Variants in SLC35F4 observed in about 807,000 individuals in gnomAD.
SLC35F4 encodes the protein chromosome 14 open reading frame 36.
A neutral mutation model predicts 44.2 loss-of-function variants in SLC35F4; 24 were observed. That is an observed-to-expected ratio of 0.54 (90% confidence interval 0.39 to 0.76). The LOEUF (loss-of-function observed/expected upper bound fraction) is 0.76. Among genes scored for constraint, SLC35F4 ranks in the 30% least tolerant of loss-of-function variants. The probability of loss-of-function intolerance (pLI) is 0.00; values close to 1 mark genes in which losing one functional copy is unlikely to be tolerated. For synonymous variants in SLC35F4, 238 were observed against 223.6 expected, an observed-to-expected ratio of 1.06 and a Z score of -0.57; for missense variants, 562 against 586.1, an observed-to-expected ratio of 0.96 and a Z score of 0.42.
chr14:57,821,928 C>T (rs1883215283), intron 1 of SLC35F4, among the ~76,000 whole-genome samples: 1 of 152,164 alleles, frequency 6.6e-6, no homozygotes, highest in African/African-American at 2.4e-5. Flanking sequence ...AAGTGAGGCA[C>T]CTAAGGAGGT....
chr14:57,820,866 G>A (rs937619550), intron 1 of SLC35F4, among the ~76,000 whole-genome samples: 10 of 152,162 alleles, frequency 6.6e-5, no homozygotes, highest in Non-Finnish European at 1.5e-4. Flanking sequence ...AGAGAATAGA[G>A]AAATGGCTGA....
intron 1 of SLC35F4, among the ~76,000 whole-genome samples, chr14:57,695,048 A>G (rs1206618899): frequency 6.6e-6 from 1 of 152,166 alleles, no homozygotes; most frequent in Non-Finnish European, 1.5e-5. Context: ...TAAATGTTAG[A>G]CCTAAAACCA....
intron 1 of SLC35F4, among the ~76,000 whole-genome samples, chr14:57,858,196 T>C (rs969872724): frequency 6.6e-6 from 1 of 151,954 alleles, no homozygotes; most frequent in African/African-American, 2.4e-5. Flanking sequence ...ACCCAAAGGA[T>C]TATAAATCAT....
chr14:57,874,397 G>A (rs1888354953), intron 1 of SLC35F4, among the ~76,000 whole-genome samples: 1 of 152,204 alleles, frequency 6.6e-6, no homozygotes, highest in East Asian at 1.9e-4. Flanking sequence ...CACATTAAAG[G>A]TTGAAGAAAT....
At chr14:57,717,714 C>T (rs62005210) in intron 1 of SLC35F4, among the ~76,000 whole-genome samples, 60,386 of 151,956 alleles carry the variant, frequency 0.4, 12,015 homozygotes, top group Middle Eastern at 0.42. Flanking sequence ...ATTTCTTTTA[C>T]TTTTAATTTT....
intron 1 of SLC35F4, among the ~76,000 whole-genome samples, chr14:57,768,954 T>A (rs1163100659): frequency 6.6e-6 from 1 of 152,148 alleles, no homozygotes; most frequent in Non-Finnish European, 1.5e-5. Flanking sequence ...GGTTTCACCA[T>A]GTTGGCCAGG....
chr14:57,608,476 C>G (rs184809227), intron 1 of SLC35F4, among the ~76,000 whole-genome samples: 2 of 152,268 alleles, frequency 1.3e-5, no homozygotes, highest in Admixed American at 6.5e-5. Context: ...CAAAAAATCA[C>G]TAGAAGCTAT....
upstream of SLC35F4, among the ~76,000 whole-genome samples, chr14:57,869,492 G>C (rs1888251272): frequency 6.6e-6 from 1 of 152,116 alleles, no homozygotes; most frequent in Non-Finnish European, 1.5e-5. Context: ...GCAGGAATAA[G>C]ACACCTAATC....
intron 1 of SLC35F4, among the ~76,000 whole-genome samples, chr14:57,831,183 C>A (rs1465173622): frequency 6.6e-6 from 1 of 152,130 alleles, no homozygotes; most frequent in Admixed American, 6.6e-5. Context: ...TGACTTCTTA[C>A]AGATGCCAAG....
rs935027770 is a variant in SLC35F4, at chr14:57,588,616, C to T, written c.587+600G>A. ...GACTTTAAGCCCAACCACCACTGTTCATGGTTAGCAAGGAAACAGACAAAG... is the reference window on the plus strand; with the variant it reads ...GACTTTAAGCCCAACCACCACTGTTTATGGTTAGCAAGGAAACAGACAAAG... On this transcript the variant is annotated intron_variant, in intron 3 of 7. Transcript: ENST00000556826. Among the ~76,000 whole-genome samples, 5 of 152,284 alleles carry T rather than the reference C, an allele frequency of 3.3e-5. No homozygotes were observed. In the East Asian group the frequency reaches 9.7e-4, roughly 29 times the overall value.
intron 1 of SLC35F4, among the ~76,000 whole-genome samples, chr14:57,710,678 G>A (rs1036222316): frequency 6.6e-6 from 1 of 152,162 alleles, no homozygotes; most frequent in Non-Finnish European, 1.5e-5. Flanking sequence ...ACCTGGATGT[G>A]ACATGGAATC....
chr14:57,566,513 A>G lies in SLC35F4; in HGVS notation c.1178T>C (p.Ile393Thr). The G allele has an allele frequency of 1.9e-6, 3 of 1,601,744 alleles. No homozygotes were observed. The highest frequency in any genetic ancestry group is 2.6e-6 in the Non-Finnish European group (3 of 1,174,318). ...VGVVLTYPIL[I>T]SIGTVLSVPG... ...AACGCTGAGCACTGTCCCAATGGAGATTAGGATTGGGTATGTCAGCACCAC... is the reference window on the plus strand; with the variant it reads ...AACGCTGAGCACTGTCCCAATGGAGGTTAGGATTGGGTATGTCAGCACCAC... Residue 393 changes from isoleucine (I) to threonine (T), a missense_variant, in exon 7 of 8, where the codon ATC becomes ACC. Transcript: ENST00000556826.
intron 1 of SLC35F4, among the ~76,000 whole-genome samples, chr14:57,940,415 A>G (rs1292701736): frequency 6.6e-6 from 1 of 152,094 alleles, no homozygotes; most frequent in Non-Finnish European, 1.5e-5. Flanking sequence ...TTTTTTTTTA[A>G]GTTGAAGCTT....
At chr14:57,673,129 A>G (rs7144644) in intron 1 of SLC35F4, among the ~76,000 whole-genome samples, 94,391 of 151,954 alleles carry the variant, frequency 0.62, 29,623 homozygotes, top group South Asian at 0.71. Context: ...TGAAGATTAT[A>G]AATCATATTT....
chr14:57,965,045 C>A (rs1890414118), intron 1 of SLC35F4, among the ~76,000 whole-genome samples: 1 of 149,088 alleles, frequency 6.7e-6, no homozygotes, highest in South Asian at 2.1e-4. Flanking sequence ...CTCCAAGAGG[C>A]CACACTTAGT....
intron 1 of SLC35F4, among the ~76,000 whole-genome samples, chr14:57,695,678 C>A (rs774949926): frequency 2.6e-5 from 4 of 152,130 alleles, no homozygotes; most frequent in African/African-American, 7.2e-5. Flanking sequence ...TGGGTATATA[C>A]CTAAGGGATT....
intron 1 of SLC35F4, among the ~76,000 whole-genome samples, chr14:57,685,414 G>T (rs1444282114): frequency 6.6e-6 from 1 of 152,136 alleles, no homozygotes; most frequent in Non-Finnish European, 1.5e-5. Flanking sequence ...GGTAATTAAG[G>T]AGGGCCCTAA....
intron 4 of SLC35F4, 115 bp downstream of exon 4, chr14:57,581,099 G>C: frequency 1.5e-5 from 17 of 1,136,340 alleles, no homozygotes; most frequent in Non-Finnish European, 2.0e-5. Flanking sequence ...TTTGTACTCA[G>C]AACAAGTGAG....
chr14:57,662,795 A>G (rs956749895), intron 1 of SLC35F4, among the ~76,000 whole-genome samples: 3 of 152,100 alleles, frequency 2.0e-5, no homozygotes, highest in Non-Finnish European at 2.9e-5. Context: ...CTCATTCTCC[A>G]TCCTTTTCCA....
Sources: allele counts gnomAD v4.1 joint callset (sites outside exome capture counted in the v4.1 genomes callset), GRCh38; gene constraint gnomAD v4.1.1; transcripts MANE v1.5; gene names NCBI Gene and HGNC (gene_info 2026-07-23, HGNC 2026-07-21).